The following MPST variants were observed in gnomAD, a reference collection of about 807,000 sequenced individuals.
MPST encodes the protein 3-mercaptopyruvate sulfurtransferase.
Under a neutral mutation model 28.5 loss-of-function variants are expected in MPST, and 27 were observed. The ratio of observed to expected loss-of-function variants is 0.95; its 90% confidence interval spans 0.70 to 1.31. The LOEUF (loss-of-function observed/expected upper bound fraction) is 1.31, where lower values mean the gene tolerates loss of function less well. Among genes scored for constraint, MPST ranks in the 50% most tolerant of loss-of-function variants. MPST has a pLI of 0.00. For synonymous variants in MPST, 204 were observed against 209.3 expected (o/e 0.97, Z 0.22); for missense variants, 492 against 471.1 (o/e 1.04, Z -0.41).
intron 1 of MPST, chr22:37,023,754 C>G: frequency 8.8e-7 from 1 of 1,141,496 alleles, no homozygotes. Context: ...CCTATTAGGT[C>G]GCCAATATAA....
chr22:37,029,589 T>C lies in MPST; in HGVS notation c.*75T>C. The C allele has an allele frequency of 2.1e-6, 3 of 1,411,966 alleles. No individual in the cohort carries two copies. The highest frequency in any genetic ancestry group is 2.3e-5 in the Admixed American group (1 of 43,500). The allele number at this position is 1,411,966 out of a possible 1,614,324, so 87.5% of individuals were successfully genotyped here. A position where few individuals can be genotyped will look rare whatever the true frequency, so the allele number is the denominator to read the frequency against. On this transcript the variant is annotated 3_prime_UTR_variant, in exon 3 of 3. Coordinates refer to ENST00000429360, the MANE Select transcript of MPST (RefSeq NM_021126.8). ...CCTGGCCTGGTAGCTCCGCTTCTGC[T>C]TTCACCAAGAGAGTGTTTCTTCACT... is the stretch of plus-strand genomic sequence containing the variant.
chr22:37,021,692 T>C (rs919312306), intron 1 of MPST, among the ~76,000 whole-genome samples: 2 of 152,082 alleles, frequency 1.3e-5, no homozygotes, highest in Admixed American at 6.5e-5. Context: ...AGGCTGGTCT[T>C]GAACTCTTGA....
In MPST at chr22:37,029,545, A is replaced by T. The variant is rs1923765296; in HGVS notation, c.*31A>T. ...GGCAGGACACAGGCGAGCTCAGGTG[A>T]TGCCGGCCACCAGCAATGCCTGGCC... is the stretch of plus-strand genomic sequence containing the variant. On this transcript the variant is annotated 3_prime_UTR_variant, in exon 3 of 3. Transcript: ENST00000429360. The T allele has an allele frequency of 1.9e-6, 3 of 1,557,362 alleles. No individual in the cohort carries two copies. The Admixed American group carries it at 5.6e-5, about 29-fold the overall frequency.
At position 37,024,272 on chromosome 22, in the gene MPST, G is replaced by A. The variant is rs901478754; in HGVS notation, c.117G>A (p.Ala39=). 157 of 1,476,406 alleles carry A rather than the reference G, an allele frequency of 1.1e-4. 1 individual carries two copies. The highest frequency in any genetic ancestry group is 1.4e-4 in the Non-Finnish European group (152 of 1,122,324). The allele number at this position is 1,476,406 out of a possible 1,614,324, so 91.5% of individuals were successfully genotyped here. The part of the protein sequence containing the change: ...ALVSAQWVAE[A]LRAPRAGQPL... ...TGTCGGCGCAATGGGTGGCGGAGGCGCTGCGGGCCCCGCGCGCTGGGCAGC... is the reference window on the plus strand; with the variant it reads ...TGTCGGCGCAATGGGTGGCGGAGGCACTGCGGGCCCCGCGCGCTGGGCAGC... Residue 39 remains alanine (A), a synonymous_variant, in exon 2 of 3, where the codon GCG becomes GCA. Transcript: ENST00000429360.
rs1339161164 is a variant in MPST at position 37,024,317 on chromosome 22, C to G, written c.162C>G (p.Ala54=). 15 of 1,534,328 alleles carry G rather than the reference C, an allele frequency of 9.8e-6. No individual in the cohort carries two copies. Among genetic ancestry groups the G allele is most frequent in the Non-Finnish European group, 1.3e-5 (15 of 1,143,390 alleles). ...GGCAGCCTCTGCAGCTGCTGGACGC[C>G]TCCTGGTACCTGCCGAAGCTGGGGC... ...RAGQPLQLLD[A]SWYLPKLGRD... is the part of the protein sequence containing the mutation. The change falls in exon 2 of 3, where the codon GCC becomes GCG. Residue 54 remains alanine (A), a synonymous_variant. Transcript: ENST00000429360.
chr22:37,021,777 G>A (rs923923808), intron 1 of MPST, among the ~76,000 whole-genome samples: 3 of 152,088 alleles, frequency 2.0e-5, no homozygotes, highest in African/African-American at 7.2e-5. Flanking sequence ...GACCTAAACC[G>A]TTTTTAATGA....
rs146990578 is a variant in MPST at position 37,029,581 on chromosome 22, G to A, written c.*67G>A. 342 of 1,445,468 alleles carry A rather than the reference G, an allele frequency of 2.4e-4. No homozygotes were observed. Among genetic ancestry groups the A allele is most frequent in the Non-Finnish European group, 2.8e-4 (305 of 1,072,188 alleles). 89.5% of individuals were successfully genotyped at this position (1,445,468 alleles called of 1,614,324 possible). A position where few individuals can be genotyped will look rare whatever the true frequency, so the allele number is the denominator to read the frequency against. On this transcript the variant is annotated 3_prime_UTR_variant, in exon 3 of 3. Coordinates refer to ENST00000429360, the MANE Select transcript of MPST (RefSeq NM_021126.8). Reference sequence around the variant, plus strand: ...CAGCAATGCCTGGCCTGGTAGCTCCGCTTCTGCTTTCACCAAGAGAGTGTT... The same window carrying A: ...CAGCAATGCCTGGCCTGGTAGCTCCACTTCTGCTTTCACCAAGAGAGTGTT...
At position 37,024,494 on chromosome 22, in the gene MPST, G is replaced by A. The variant is rs1426571039; in HGVS notation, c.339G>A (p.Ala113=). ...ACGCAGGCCGCCTGGGCGTGGGCGCGGCCACCCACGTCGTGATCTACGACG... is the reference window on the plus strand; with the variant it reads ...ACGCAGGCCGCCTGGGCGTGGGCGCAGCCACCCACGTCGTGATCTACGACG... ...AEYAGRLGVG[A]ATHVVIYDAS... The change falls in exon 2 of 3, where the codon GCG becomes GCA. Residue 113 remains alanine, a synonymous_variant. Transcript: ENST00000429360. 6 of 1,560,686 alleles carry A rather than the reference G, an allele frequency of 3.8e-6. No individual in the cohort carries two copies. Among genetic ancestry groups the A allele is most frequent in the Admixed American group, 3.7e-5 (2 of 53,914 alleles).
intron 2 of MPST, chr22:37,025,195 G>A: frequency 8.0e-7 from 1 of 1,246,324 alleles, no homozygotes. Context: ...CATAATACTG[G>A]CCCTTCCCCT....
At chr22:37,028,606 G>A (rs369716357) in intron 2 of MPST, 8 of 152,096 alleles carry the variant, frequency 5.3e-5, no homozygotes, top group African/African-American at 1.2e-4. Context: ...CCAGCCCCTC[G>A]GGGGGAAGCT....
chr22:37,023,963 T>C (rs1923268596), intron 1 of MPST: 5 of 1,509,352 alleles, frequency 3.3e-6, no homozygotes, highest in Non-Finnish European at 4.4e-6. Context: ...CGGGAGGTCA[T>C]GGTCATTGGG....
chr22:37,022,186 A>G (rs1923126446), intron 1 of MPST, among the ~76,000 whole-genome samples: 1 of 152,034 alleles, frequency 6.6e-6, no homozygotes, highest in African/African-American at 2.4e-5. Context: ...CCCTTAGCCA[A>G]ACACCCCTTG....
chr22:37,023,912 T>C (rs2145915364), intron 1 of MPST: 1 of 1,514,816 alleles, frequency 6.6e-7, no homozygotes. Flanking sequence ...CCCACCCTCC[T>C]GCCCAGCAAG....
chr22:37,024,130 C>T, intron 1 of MPST, 62 bp from the exon 2 acceptor site: 1 of 1,349,474 alleles, frequency 7.4e-7, no homozygotes, highest in Non-Finnish European at 9.5e-7. Context: ...GCTCCAGCCC[C>T]AGCCCTAGCC....
chr22:37,023,919 C>T, intron 1 of MPST: 2 of 1,518,044 alleles, frequency 1.3e-6, no homozygotes, highest in Non-Finnish European at 1.8e-6. Flanking sequence ...TCCTGCCCAG[C>T]AAGTGGAGGT....
chr22:37,024,028 C>A, intron 1 of MPST, 164 bp from the exon 2 acceptor site: 1 of 1,293,534 alleles, frequency 7.7e-7, no homozygotes, highest in Non-Finnish European at 1.0e-6. Flanking sequence ...CCTGGCTACC[C>A]ACCTTTGTGC....
chr22:37,025,875 T>A (rs1923489752), intron 2 of MPST: 1 of 152,142 alleles, frequency 6.6e-6, no homozygotes, highest in Non-Finnish European at 1.5e-5. Context: ...TGGGCCAGCA[T>A]TGTTTTGGAT....
chr22:37,025,109 T>G, intron 2 of MPST: 1 of 1,458,338 alleles, frequency 6.9e-7, no homozygotes, highest in Non-Finnish European at 9.1e-7. Flanking sequence ...GACCTTGCCT[T>G]TAAAGGCCAC....
chr22:37,025,116 C>G (rs1161690574), intron 2 of MPST: 1 of 1,441,678 alleles, frequency 6.9e-7, no homozygotes, highest in African/African-American at 1.4e-5. Context: ...CCTTTAAAGG[C>G]CACTGCATGA....
Sources: allele counts gnomAD v4.1 joint callset (sites outside exome capture counted in the v4.1 genomes callset), GRCh38; gene constraint gnomAD v4.1.1; transcripts MANE v1.5; gene names NCBI Gene and HGNC (gene_info 2026-07-23, HGNC 2026-07-21).